The following SUN3 variants were observed in gnomAD, a reference collection of about 807,000 sequenced individuals.
SUN3 encodes the protein Sad1 and UNC84 domain containing 3, also known as SUN domain-containing protein 3.
Under a neutral mutation model 48.2 loss-of-function variants are expected in SUN3, and 36 were observed. The observed-to-expected ratio is 0.75, with a 90% CI of 0.57 to 0.99. The LOEUF (loss-of-function observed/expected upper bound fraction) is 0.99. Among genes scored for constraint, SUN3 ranks in the 50% least tolerant of loss-of-function variants. The pLI, the probability that SUN3 is intolerant of heterozygous loss-of-function variation, is 0.00. For synonymous variants in SUN3, 148 were observed against 147.9 expected (o/e 1.00, Z 0.00); for missense variants, 419 against 433.1 (o/e 0.97, Z 0.29).
At position 48,029,085 on chromosome 7, in the gene SUN3, A is replaced by C; in HGVS notation, c.-147T>G. ...TTCCTCCACGGGTGTTTCTTCTTGA[A>C]GACGGAATTTTGAAAAGCTTCTGAT... On this transcript the variant is annotated 5_prime_UTR_variant, in exon 1 of 10. Coordinates refer to ENST00000297325, the MANE Select transcript of SUN3 (RefSeq NM_001030019.2). 1 of 1,198,812 alleles carries C rather than the reference A, an allele frequency of 8.3e-7. No individual in the cohort carries two copies. Among genetic ancestry groups the C allele is most frequent in the East Asian group, 2.6e-5 (1 of 38,978 alleles). The allele number at this position is 1,198,812 out of a possible 1,614,324, so 74.3% of individuals were successfully genotyped here.
intron 3 of SUN3, among the ~76,000 whole-genome samples, chr7:48,016,169 C>T (rs1191245929): frequency 2.0e-5 from 3 of 152,076 alleles, no homozygotes; most frequent in Non-Finnish European, 4.4e-5. Flanking sequence ...CCAGCCCACC[C>T]AGGAACAGAA....
At chr7:48,030,113 C>T (rs1026380812), upstream of SUN3, among the ~76,000 whole-genome samples, 3 of 152,130 alleles carry the variant, frequency 2.0e-5, no homozygotes, top group Admixed American at 1.3e-4. Flanking sequence ...TTAGAATGGT[C>T]CACCTATTGA....
intron 6 of SUN3, among the ~76,000 whole-genome samples, chr7:48,004,893 T>C (rs1280893640): frequency 6.6e-6 from 1 of 152,228 alleles, no homozygotes; most frequent in Non-Finnish European, 1.5e-5. Flanking sequence ...TAGTTGCTTT[T>C]TGAATTTTGT....
intron 8 of SUN3, among the ~76,000 whole-genome samples, chr7:47,992,080 G>A (rs1789080727): frequency 7.4e-6 from 1 of 135,860 alleles, no homozygotes; most frequent in African/African-American, 2.8e-5. Context: ...GTCCTCTCAG[G>A]GTCAGCTCTC....
intron 3 of SUN3, among the ~76,000 whole-genome samples, chr7:48,009,664 G>T (rs1296370013): frequency 6.6e-6 from 1 of 152,148 alleles, no homozygotes; most frequent in Non-Finnish European, 1.5e-5. Flanking sequence ...CTCTGGTATG[G>T]ACGGTCTTGG....
At chr7:48,004,259 G>A (rs942488045) in intron 6 of SUN3, among the ~76,000 whole-genome samples, 1 of 152,198 alleles carries the variant, frequency 6.6e-6, no homozygotes, top group Non-Finnish European at 1.5e-5. Flanking sequence ...TGCATGCCAA[G>A]TAATTGTGAT....
intron 1 of SUN3, among the ~76,000 whole-genome samples, chr7:48,026,706 C>T (rs1790145423): frequency 6.6e-6 from 1 of 151,980 alleles, no homozygotes; most frequent in Admixed American, 6.6e-5. Flanking sequence ...GAGTGGGACT[C>T]TAAACTAGCA....
Position 48,007,265 on chromosome 7 carries a change from T to C in SUN3, c.392A>G (p.Asp131Gly). ...ATCTCTTAGCAATGCCTTCAGGACATCTATTTGTTCGATCAAAAATAGAAT... is the reference window on the plus strand; with the variant it reads ...ATCTCTTAGCAATGCCTTCAGGACACCTATTTGTTCGATCAAAAATAGAAT... ...RQILFLIEQI[D>G]VLKALLRDMK... The change falls in exon 5 of 10, where the codon GAT (aspartate) becomes GGT (glycine). Residue 131 changes from aspartate (D) to glycine (G), a missense_variant. By Grantham distance (94) the Asp-to-Gly change is moderately conservative. Transcript: ENST00000297325. 3 of 1,614,126 alleles carry C rather than the reference T, an allele frequency of 1.9e-6. No homozygotes were observed. Among genetic ancestry groups the C allele is most frequent in the Non-Finnish European group, 2.5e-6 (3 of 1,180,010 alleles).
intron 9 of SUN3, among the ~76,000 whole-genome samples, chr7:47,988,462 C>A (rs749395693): frequency 6.6e-6 from 1 of 152,102 alleles, no homozygotes; most frequent in South Asian, 2.1e-4. Context: ...CCCCTATACT[C>A]AAGCAAGGTG....
chr7:47,997,942 T>C (rs1057257334), intron 6 of SUN3, among the ~76,000 whole-genome samples: 1 of 152,232 alleles, frequency 6.6e-6, no homozygotes, highest in Non-Finnish European at 1.5e-5. Context: ...TGACTGCAGG[T>C]TGATATTCCA....
At chr7:48,029,601 C>G (rs1790226934), upstream of SUN3, among the ~76,000 whole-genome samples, 1 of 152,158 alleles carries the variant, frequency 6.6e-6, no homozygotes, top group African/African-American at 2.4e-5. Flanking sequence ...ATACATACAT[C>G]ACAATTCATT....
intron 6 of SUN3, among the ~76,000 whole-genome samples, chr7:47,997,968 C>CG (rs1341799395): frequency 6.6e-6 from 1 of 152,118 alleles, no homozygotes; most frequent in Non-Finnish European, 1.5e-5. Context: ...TGAATGCATC[C>CG]GTTAGTCTTT....
At chr7:48,006,412 G>A (rs370183199) in intron 5 of SUN3, among the ~76,000 whole-genome samples, 1 of 152,162 alleles carries the variant, frequency 6.6e-6, no homozygotes, top group Middle Eastern at 3.2e-3. Flanking sequence ...GTGTCCTGTG[G>A]TTAGCAGTAA....
chr7:47,995,131 GGTA>G (rs1449576734), intron 7 of SUN3, among the ~76,000 whole-genome samples: 12 of 151,798 alleles, frequency 7.9e-5, no homozygotes, highest in Non-Finnish European at 1.0e-4. Flanking sequence ...TGGTGATGAA[GGTA>G]GTGGTGGTGG....
intron 6 of SUN3, among the ~76,000 whole-genome samples, chr7:48,001,532 T>TG: frequency 1.0e-5 from 1 of 97,744 alleles, no homozygotes; most frequent in African/African-American, 7.5e-5. Context: ...GTTTTTTTTG[T>TG]TTTTTTTTTT....
intron 1 of SUN3, among the ~76,000 whole-genome samples, chr7:48,026,674 A>T (rs1790144852): frequency 6.6e-6 from 1 of 151,868 alleles, no homozygotes; most frequent in African/African-American, 2.4e-5. Flanking sequence ...TTTAATTGCT[A>T]ATTAAGGGTA....
the SUN3 span, chr7:48,035,580 C>T: frequency 1.7e-5 from 12 of 696,814 alleles, no homozygotes; most frequent in Non-Finnish European, 2.9e-5. This position sits in a 1 kb window ranked among gnomAD's most constrained non-coding sequence, Gnocchi z 4.0. Context: ...CGTGTAAAAA[C>T]TCCAACGCCG....
chr7:48,034,357 A>G, the SUN3 span, among the ~76,000 whole-genome samples: 3 of 152,168 alleles, frequency 2.0e-5, no homozygotes, highest in Non-Finnish European at 4.4e-5. Flanking sequence ...CTCCTGCTAG[A>G]TTTCTAAGGC....
chr7:48,007,064 G>T, intron 5 of SUN3, 101 bp downstream of exon 5: 1 of 1,184,162 alleles, frequency 8.4e-7, no homozygotes, highest in Non-Finnish European at 1.2e-6. Flanking sequence ...GGGAGAAGAA[G>T]CAGATGTGAC....
Sources: allele counts gnomAD v4.1 joint callset (sites outside exome capture counted in the v4.1 genomes callset), GRCh38; gene constraint gnomAD v4.1.1; non-coding constraint Gnocchi (gnomAD v3.1); transcripts MANE v1.5; gene names NCBI Gene and HGNC (gene_info 2026-07-23, HGNC 2026-07-21).